The following CDH3 variants were observed in gnomAD, a reference collection of about 807,000 sequenced individuals.
The protein encoded by CDH3 is cadherin-3.
CDH3 carries 54 observed loss-of-function variants against 82.0 expected under a neutral mutation model. The ratio of observed to expected loss-of-function variants is 0.66; its 90% CI spans 0.53 to 0.83. The LOEUF (loss-of-function observed/expected upper bound fraction) is 0.83. Among genes scored for constraint, CDH3 ranks in the 40% least tolerant of loss-of-function variants. CDH3 has a pLI of 0.00. For synonymous variants in CDH3, 446 were observed against 437.9 expected, an observed-to-expected ratio of 1.02 and a Z score of -0.23; for missense variants, 1,054 against 1,084.6, an observed-to-expected ratio of 0.97 and a Z score of 0.40.
intron 2 of CDH3, among the ~76,000 whole-genome samples, chr16:68,661,793 A>G (rs559416018): frequency 6.6e-6 from 1 of 152,304 alleles, no homozygotes; most frequent in African/African-American, 2.4e-5. Context: ...GGTTCAAGCT[A>G]TTCTCCTGCC....
intron 9 of CDH3, 90 bp downstream of exon 9, chr16:68,682,577 T>C: frequency 7.9e-7 from 1 of 1,268,182 alleles, no homozygotes; most frequent in Non-Finnish European, 1.1e-6. Flanking sequence ...TACCGTGGGC[T>C]AGTCCAGGAA....
In CDH3 at chr16:68,698,303, C is replaced by CCGCCT; in HGVS notation, c.2395_2399dup (p.Asp801ProfsTer11). The CCGCCT allele has an allele frequency of 6.2e-7, 1 of 1,614,260 alleles. No homozygotes were observed. Among genetic ancestry groups the CCGCCT allele is most frequent in the Non-Finnish European group, 8.5e-7 (1 of 1,180,036 alleles). On this transcript the variant is annotated frameshift_variant, in exon 16 of 16. Transcript: ENST00000264012. LOFTEE classifies it high-confidence loss of function. ...GCGTCCCTGAGCTCCCTCACCTCCT[C>CCGCCT]CGCCTCCGACCAAGACCAAGATTAC... is the stretch of plus-strand genomic sequence containing the variant.
intron 2 of CDH3, among the ~76,000 whole-genome samples, chr16:68,671,486 C>T (rs1431815982): frequency 6.7e-6 from 1 of 149,814 alleles, no homozygotes; most frequent in Non-Finnish European, 1.5e-5. Flanking sequence ...ACCAGTCATG[C>T]TGGATTAGGG....
At chr16:68,673,167 T>C (rs1305880059) in intron 2 of CDH3, among the ~76,000 whole-genome samples, 1 of 152,350 alleles carries the variant, frequency 6.6e-6, no homozygotes, top group East Asian at 1.9e-4. Flanking sequence ...TACATCACAG[T>C]GGACTTTCTG....
In CDH3 at chr16:68,679,909, C is replaced by T. The variant is rs778080066; in HGVS notation, c.802C>T (p.Leu268Phe). ...HSQEPKDPHD[L>F]MFTIHRSTGT... is the part of the protein sequence containing the mutation. Reference sequence around the variant, plus strand: ...CCAAGAACCAAAGGACCCACACGACCTCATGTTCACCATTCACCGGAGCAC... The same window carrying T: ...CCAAGAACCAAAGGACCCACACGACTTCATGTTCACCATTCACCGGAGCAC... Residue 268 changes from leucine to phenylalanine, a missense_variant, in exon 7 of 16, where the codon CTC (leucine) becomes TTC (phenylalanine). By Grantham distance (22) the Leu-to-Phe change is conservative. Coordinates refer to ENST00000264012, the MANE Select transcript of CDH3 (RefSeq NM_001793.6). 1 of 1,614,122 alleles carries T rather than the reference C, an allele frequency of 6.2e-7. No homozygotes were observed. Among genetic ancestry groups the T allele is most frequent in the Non-Finnish European group, 8.5e-7 (1 of 1,180,008 alleles).
In CDH3 at chr16:68,680,998, G is replaced by A. The variant is rs1182166570; in HGVS notation, c.898G>A (p.Ala300Thr). The part of the protein sequence containing the change: ...KVPEYTLTIQ[A>T]TDMDGDGSTT... ...CCCTGAGTACACACTGACCATCCAGGCCACAGACATGGATGGGGACGGCTC... is the reference window on the plus strand; with the variant it reads ...CCCTGAGTACACACTGACCATCCAGACCACAGACATGGATGGGGACGGCTC... The change falls in exon 8 of 16, where the codon GCC becomes ACC. Residue 300 changes from alanine to threonine, a missense_variant. Physicochemically the swap from Ala to Thr is moderately conservative, Grantham distance 58. Coordinates refer to ENST00000264012, the MANE Select transcript of CDH3 (RefSeq NM_001793.6). The A allele has an allele frequency of 1.9e-6, 3 of 1,614,066 alleles. No individual in the cohort carries two copies. Among genetic ancestry groups the A allele is most frequent in the Non-Finnish European group, 2.5e-6 (3 of 1,180,008 alleles).
chr16:68,676,760 C>G (rs1961045706), intron 3 of CDH3, among the ~76,000 whole-genome samples: 1 of 152,184 alleles, frequency 6.6e-6, no homozygotes, highest in Non-Finnish European at 1.5e-5. Flanking sequence ...CTCCCACCTT[C>G]CTTTACTTCC....
intron 2 of CDH3, among the ~76,000 whole-genome samples, chr16:68,672,696 G>C (rs1474080635): frequency 6.6e-6 from 1 of 152,180 alleles, no homozygotes; most frequent in African/African-American, 2.4e-5. Flanking sequence ...CGTCAAGGAG[G>C]CAGGGCTGGT....
chr16:68,646,418 A>C (rs925906753), intron 2 of CDH3, among the ~76,000 whole-genome samples: 2 of 151,702 alleles, frequency 1.3e-5, no homozygotes, highest in African/African-American at 4.9e-5. Context: ...TTTGAGGGGG[A>C]CAGTGTCCCA....
In CDH3 at chr16:68,682,356, G is replaced by C; in HGVS notation, c.1051G>C (p.Val351Leu). The C allele has an allele frequency of 6.2e-7, 1 of 1,614,054 alleles. No individual in the cohort carries two copies. The change falls in exon 9 of 16, where the codon GTC becomes CTC. Residue 351 changes from valine (V) to leucine (L), a missense_variant. Val to Leu is a conservative substitution (Grantham distance 32, BLOSUM62 1). Coordinates refer to ENST00000264012, the MANE Select transcript of CDH3 (RefSeq NM_001793.6). ...GGGCCATGAGGTGCAGAGGCTGACG[G>C]TCACTGATCTGGACGCCCCCAACTC... is the stretch of plus-strand genomic sequence containing the variant. The part of the protein sequence containing the change: ...AVGHEVQRLT[V>L]TDLDAPNSPA...
In CDH3 at chr16:68,686,388, C is replaced by A. The variant is rs1048559719; in HGVS notation, c.1570+1038C>A. On this transcript the variant is annotated intron_variant, in intron 11 of 15. Coordinates refer to ENST00000264012, the MANE Select transcript of CDH3 (RefSeq NM_001793.6). ...TGAGGTGGAGGGAGTCATGGCAGGACAAGCATTTAGAAAGTTTCTTCCACT... is the reference window on the plus strand; with the variant it reads ...TGAGGTGGAGGGAGTCATGGCAGGAAAAGCATTTAGAAAGTTTCTTCCACT... 40 of 1,282,320 alleles carry A rather than the reference C, an allele frequency of 3.1e-5. No homozygotes were observed. In the South Asian group the frequency reaches 4.3e-4, roughly 14 times the overall value. The allele number at this position is 1,282,320 out of a possible 1,614,324, so 79.4% of individuals were successfully genotyped here. A position where few individuals can be genotyped will look rare whatever the true frequency, so the allele number is the denominator to read the frequency against.
intron 2 of CDH3, among the ~76,000 whole-genome samples, chr16:68,660,563 T>G (rs912799699): frequency 6.6e-6 from 1 of 152,190 alleles, no homozygotes; most frequent in Non-Finnish European, 1.5e-5. Context: ...GTTCTTATTT[T>G]CCCCCCAAGA....
At chr16:68,679,229 A>G (rs1407622481) in intron 6 of CDH3, among the ~76,000 whole-genome samples, 3 of 152,194 alleles carry the variant, frequency 2.0e-5, no homozygotes, top group African/African-American at 7.2e-5. Context: ...CATATTCTTG[A>G]CCTCTGAGCC....
chr16:68,712,053 T>TTTC (rs2152110195), intron 1 of CDH3, among the ~76,000 whole-genome samples: 1 of 149,768 alleles, frequency 6.7e-6, no homozygotes, highest in Non-Finnish European at 1.5e-5. Context: ...TTTTTTTTTT[T>TTTC]TTGAGACAGA....
At chr16:68,719,640 G>A (rs1260161067) in intron 1 of CDH3, among the ~76,000 whole-genome samples, 4 of 150,528 alleles carry the variant, frequency 2.7e-5, no homozygotes, top group Non-Finnish European at 5.9e-5. Context: ...CTCCCAAGTA[G>A]CTGGGACCTC....
chr16:68,726,569 T>C (rs1248040208), intron 2 of CDH3, among the ~76,000 whole-genome samples: 1 of 151,368 alleles, frequency 6.6e-6, no homozygotes, highest in African/African-American at 2.4e-5. Flanking sequence ...GCTCTTTCAT[T>C]TTTTTGGTTG....
At chr16:68,722,861 T>G (rs779939425) in intron 2 of CDH3, among the ~76,000 whole-genome samples, 1 of 152,028 alleles carries the variant, frequency 6.6e-6, no homozygotes, top group Non-Finnish European at 1.5e-5. Flanking sequence ...TGGCGTGATC[T>G]CGGCTCACTG....
At chr16:68,673,485 T>TTC (rs1960945008) in intron 2 of CDH3, among the ~76,000 whole-genome samples, 1 of 149,010 alleles carries the variant, frequency 6.7e-6, no homozygotes. Context: ...TTTTTTTTTT[T>TTC]CTTAGAGAAA....
chr16:68,703,820 G>A (rs1961925561), downstream of CDH3, among the ~76,000 whole-genome samples: 1 of 152,146 alleles, frequency 6.6e-6, no homozygotes, highest in Non-Finnish European at 1.5e-5. Context: ...GGTGGTGCGT[G>A]CCTGTAATCC....
Sources: allele counts gnomAD v4.1 joint callset (sites outside exome capture counted in the v4.1 genomes callset), GRCh38; gene constraint gnomAD v4.1.1; transcripts MANE v1.5; gene names NCBI Gene and HGNC (gene_info 2026-07-23, HGNC 2026-07-21).